ZNF362: variants seen among roughly 807,000 people sequenced by gnomAD.
ZNF362 encodes the protein zinc finger protein 362.
In ZNF362, 11 loss-of-function variants were observed where a neutral mutation model predicts 42.9. The ratio of observed to expected loss-of-function variants is 0.26; its 90% CI spans 0.16 to 0.42. The LOEUF is 0.42. Among genes scored for constraint, ZNF362 ranks in the 20% least tolerant of loss-of-function variants. The pLI is 1.00. For synonymous variants in ZNF362, 255 were observed against 257.3 expected (o/e 0.99, Z 0.09); for missense variants, 362 against 576.2 (o/e 0.63, Z 3.81).
chr1:33,218,932 T>TACACAC, the ZNF362 span, among the ~76,000 whole-genome samples: 95 of 121,078 alleles, frequency 7.8e-4, 1 homozygote, highest in African/African-American at 2.5e-3. Context: ...GAGCTGGACA[T>TACACAC]ACACACACAC....
At chr1:33,271,478 A>G (rs1645903729) in intron 2 of ZNF362, among the ~76,000 whole-genome samples, 2 of 152,226 alleles carry the variant, frequency 1.3e-5, no homozygotes, top group South Asian at 4.1e-4. Flanking sequence ...CATGGGGGGC[A>G]GGAGCAAGTG....
At chr1:33,185,160 A>G in the ZNF362 span, among the ~76,000 whole-genome samples, 3 of 152,080 alleles carry the variant, frequency 2.0e-5, no homozygotes, top group African/African-American at 7.2e-5. Flanking sequence ...TAGTCTTAAT[A>G]TGTAGGTCTA....
the ZNF362 span, chr1:33,181,413 T>C: frequency 1.2e-6 from 2 of 1,600,162 alleles, no homozygotes; most frequent in Non-Finnish European, 1.7e-6. This position sits in a 1 kb window ranked among gnomAD's most constrained non-coding sequence, Gnocchi z 6.5. Context: ...CAGCAGCTCG[T>C]CCTTGAGGCT....
chr1:33,165,262 A>G, the ZNF362 span: 1 of 482,990 alleles, frequency 2.1e-6, no homozygotes, highest in Admixed American at 3.8e-5. The surrounding 1 kb of genome is among the most constrained non-coding windows in gnomAD (Gnocchi z 4.0). Context: ...CCTTGCCGCC[A>G]GTCATGATGG....
At chr1:33,205,129 G>C in the ZNF362 span, among the ~76,000 whole-genome samples, 1 of 151,726 alleles carries the variant, frequency 6.6e-6, no homozygotes, top group Non-Finnish European at 1.5e-5. Flanking sequence ...CAAATCCTGT[G>C]TGTTTTTGTG....
chr1:33,264,554 A>G (rs1285475192), intron 1 of ZNF362, among the ~76,000 whole-genome samples: 2 of 152,232 alleles, frequency 1.3e-5, no homozygotes, highest in African/African-American at 4.8e-5. Flanking sequence ...TTGGAGATTT[A>G]GGTAACAATC....
At chr1:33,282,304 A>G (rs1388696943) in intron 6 of ZNF362, among the ~76,000 whole-genome samples, 1 of 152,228 alleles carries the variant, frequency 6.6e-6, no homozygotes, top group African/African-American at 2.4e-5. Flanking sequence ...TTGTGGCACA[A>G]AATAAGCAAT....
At chr1:33,243,620 G>A in the ZNF362 span, among the ~76,000 whole-genome samples, 1 of 149,452 alleles carries the variant, frequency 6.7e-6, no homozygotes, top group African/African-American at 2.5e-5. Flanking sequence ...TTTTTTAGAC[G>A]GAGTCTCGCT....
At chr1:33,219,523 A>G in the ZNF362 span, among the ~76,000 whole-genome samples, 1 of 152,234 alleles carries the variant, frequency 6.6e-6, no homozygotes, top group Non-Finnish European at 1.5e-5. Flanking sequence ...CATGGGCAGC[A>G]GGGCCCAACA....
chr1:33,203,851 T>C, the ZNF362 span, among the ~76,000 whole-genome samples: 887 of 152,290 alleles, frequency 5.8e-3, 9 homozygotes, highest in African/African-American at 0.02. Flanking sequence ...TGCTATTGAA[T>C]TGTTTGAGTT....
the ZNF362 span, among the ~76,000 whole-genome samples, chr1:33,251,065 G>T: frequency 2.6e-5 from 4 of 152,190 alleles, no homozygotes; most frequent in Admixed American, 6.5e-5. Flanking sequence ...AGAGAGAATG[G>T]AGTGTGAAGG....
rs1255943946 is a variant in ZNF362, at chr1:33,266,649, G to A, written c.-88-3838G>A. Among the ~76,000 whole-genome samples the A allele has an allele frequency of 6.6e-6, 1 of 152,186 alleles. No homozygotes were observed. The highest frequency in any genetic ancestry group is 1.9e-4 in the East Asian group (1 of 5,196). ...TTGGGGAGCCCACAGCCTACATGGG[G>A]GACTGGACAAATAACCAGATAACCA... is the stretch of plus-strand genomic sequence containing the variant. On this transcript the variant is annotated intron_variant, in intron 1 of 8. Coordinates refer to ENST00000539719, the MANE Select transcript of ZNF362 (RefSeq NM_152493.3). The surrounding 1 kb of genome is among the most constrained non-coding windows in gnomAD (Gnocchi z 4.3).
In ZNF362 at chr1:33,300,308, C is replaced by A. The variant is rs1279860657; in HGVS notation, c.*1262C>A. 1 of 151,972 alleles carries A rather than the reference C, an allele frequency of 6.6e-6. No homozygotes were observed. The highest frequency in any genetic ancestry group is 2.1e-4 in the South Asian group (1 of 4,774). 9.4% of individuals were successfully genotyped at this position (151,972 alleles called of 1,614,324 possible). On this transcript the variant is annotated 3_prime_UTR_variant, in exon 9 of 9. Coordinates refer to ENST00000539719, the MANE Select transcript of ZNF362 (RefSeq NM_152493.3). ...CTGGGGTTTCTTTGCCCATGGGGTT[C>A]TCTGCCCCCACCCCCGGCCCTTTGT...
At chr1:33,284,340 T>A (rs1244618497) in intron 6 of ZNF362, among the ~76,000 whole-genome samples, 2 of 152,204 alleles carry the variant, frequency 1.3e-5, no homozygotes, top group African/African-American at 4.8e-5. Flanking sequence ...TCTTTAACTG[T>A]GACATTTCTG....
At chr1:33,195,633 T>C in the ZNF362 span, 1 of 85,372 alleles carries the variant, frequency 1.2e-5, no homozygotes, top group East Asian at 3.1e-4. Flanking sequence ...TGTTTAAACA[T>C]ATCTAAACAT....
Position 33,268,787 on chromosome 1 carries a change from C to T in ZNF362, c.-88-1700C>T, listed in dbSNP as rs961881826. 3.3e-5 allele frequency among the ~76,000 whole-genome samples: 5 copies of T among 152,136 alleles called. No individual in the cohort carries two copies. In the South Asian group the frequency reaches 8.3e-4, roughly 25 times the overall value. On this transcript the variant is annotated intron_variant, in intron 1 of 8. Coordinates refer to ENST00000539719, the MANE Select transcript of ZNF362 (RefSeq NM_152493.3). ...AACAGCCAGAGAGATTGGCAGGGGC[C>T]GCACATGTAAGGCTTAAGCAATCCA...
At chr1:33,224,022 A>T in the ZNF362 span, among the ~76,000 whole-genome samples, 1 of 152,178 alleles carries the variant, frequency 6.6e-6, no homozygotes, top group African/African-American at 2.4e-5. Context: ...TGAGAAAAAG[A>T]ACATGATCCA....
chr1:33,262,297 CTTTTTTT>C (rs55730909), intron 1 of ZNF362, among the ~76,000 whole-genome samples: 4 of 48,134 alleles, frequency 8.3e-5, no homozygotes, highest in Admixed American at 3.5e-4. Flanking sequence ...CTTTAGGATT[CTTTTTTT>C]TTTTTTTTTT....
intron 1 of ZNF362, among the ~76,000 whole-genome samples, chr1:33,264,281 C>T (rs1645849249): frequency 6.6e-6 from 1 of 152,110 alleles, no homozygotes; most frequent in African/African-American, 2.4e-5. Context: ...GTCCTGAAGG[C>T]CACCCAGAGC....
Sources: gnomAD v4.1 joint callset for allele counts (sites outside exome capture counted in the v4.1 genomes callset) on GRCh38, gnomAD v4.1.1 for gene constraint, Gnocchi (gnomAD v3.1) non-coding constraint, MANE v1.5 for transcripts, NCBI Gene and HGNC (gene_info 2026-07-23, HGNC 2026-07-21) for gene names.